ARL15: variants seen among roughly 807,000 people sequenced by gnomAD.
ARL15 encodes the protein ADP-ribosylation factor-like protein 15.
Under a neutral mutation model 25.2 loss-of-function variants are expected in ARL15, and 19 were observed. The observed-to-expected ratio is 0.75, with a 90% CI of 0.53 to 1.10. ARL15 has a LOEUF of 1.10. Among genes scored for constraint, ARL15 ranks in the 50% least tolerant of loss-of-function variants. The probability of loss-of-function intolerance (pLI) is 0.00; values close to 1 mark genes in which losing one functional copy is unlikely to be tolerated. For synonymous variants in ARL15, 94 were observed against 86.8 expected (o/e 1.08, Z -0.46); for missense variants, 220 against 246.0 (o/e 0.89, Z 0.71).
chr5:54,029,174 TA>T (rs1749882768), intron 4 of ARL15, among the ~76,000 whole-genome samples: 1 of 152,158 alleles, frequency 6.6e-6, no homozygotes, highest in African/African-American at 2.4e-5. Context: ...GCAACTTCCT[TA>T]AGGAATTTTC....
intron 1 of ARL15, among the ~76,000 whole-genome samples, chr5:54,205,029 G>A (rs918144042): frequency 3.3e-5 from 5 of 149,992 alleles, no homozygotes; most frequent in Non-Finnish European, 5.9e-5. Flanking sequence ...CCACCTCCTG[G>A]GTTCAAGCGA....
At chr5:53,999,957 G>A (rs1209252329) in intron 4 of ARL15, among the ~76,000 whole-genome samples, 1 of 152,088 alleles carries the variant, frequency 6.6e-6, no homozygotes, top group Non-Finnish European at 1.5e-5. Context: ...AGGAAGCAGA[G>A]AAGGGTGGGG....
intron 4 of ARL15, among the ~76,000 whole-genome samples, chr5:53,893,700 C>G (rs1368300911): frequency 2.0e-5 from 3 of 152,162 alleles, no homozygotes; most frequent in African/African-American, 7.2e-5. Context: ...AAGGGCCCTC[C>G]AGCTTTGCTG....
intron 4 of ARL15, among the ~76,000 whole-genome samples, chr5:54,056,602 C>G (rs527616092): frequency 6.7e-6 from 1 of 149,674 alleles, no homozygotes; most frequent in East Asian, 2.0e-4. Context: ...TGCACTCCAG[C>G]CTGGGTAACA....
intron 3 of ARL15, among the ~76,000 whole-genome samples, chr5:54,116,918 A>T (rs1277458772): frequency 1.3e-5 from 2 of 152,224 alleles, no homozygotes; most frequent in East Asian, 3.8e-4. Context: ...ATAAGCTAGG[A>T]GAAAAGAAAT....
At chr5:53,964,640 G>A (rs980234003) in intron 4 of ARL15, among the ~76,000 whole-genome samples, 2 of 152,180 alleles carry the variant, frequency 1.3e-5, no homozygotes, top group African/African-American at 2.4e-5. Context: ...GATTACAGGC[G>A]TGAGCCACCG....
intron 4 of ARL15, among the ~76,000 whole-genome samples, chr5:54,032,750 T>G (rs1002602450): frequency 1.3e-5 from 2 of 152,200 alleles, no homozygotes; most frequent in Non-Finnish European, 2.9e-5. Context: ...ATTTCAATCA[T>G]GCATAAAGCT....
chr5:54,138,148 G>T (rs1753661381), intron 3 of ARL15, among the ~76,000 whole-genome samples: 1 of 152,032 alleles, frequency 6.6e-6, no homozygotes. Flanking sequence ...TTATATTTAG[G>T]ATTTTCTTCC....
At chr5:54,060,990 C>G (rs1211941765) in intron 4 of ARL15, among the ~76,000 whole-genome samples, 2 of 152,188 alleles carry the variant, frequency 1.3e-5, no homozygotes, top group Non-Finnish European at 2.9e-5. Context: ...TTCAAGCCAG[C>G]TGCAGAAATT....
chr5:53,929,902 C>T lies in ARL15; in HGVS notation c.463-43189G>A, dbSNP rs1293697092. The stretch of plus-strand genomic sequence containing the variant: ...GCCGAGGAAGAGAGTTTAGTGTGGG[C>T]ACACTTGCTGCTAACCTGAAGTGCT... On this transcript the variant is annotated intron_variant, in intron 4 of 4. Transcript: ENST00000504924. 4.1e-4 allele frequency among the ~76,000 whole-genome samples: 63 copies of T among 152,032 alleles called. 2 individuals are homozygous for T.
intron 1 of ARL15, among the ~76,000 whole-genome samples, chr5:54,246,079 A>G (rs985294184): frequency 6.6e-6 from 1 of 152,022 alleles, no homozygotes; most frequent in African/African-American, 2.4e-5. Context: ...CCCTTAAATC[A>G]TAACAATATC....
chr5:54,082,768 C>A (rs759987622), intron 4 of ARL15, among the ~76,000 whole-genome samples: 4 of 151,988 alleles, frequency 2.6e-5, no homozygotes, highest in Admixed American at 6.6e-5. Context: ...CCTTCTCAAG[C>A]CTCATATTTA....
At chr5:53,958,084 C>T (rs1212167756) in intron 4 of ARL15, among the ~76,000 whole-genome samples, 1 of 151,806 alleles carries the variant, frequency 6.6e-6, no homozygotes, top group African/African-American at 2.4e-5. Context: ...GTGGTGGCTG[C>T]CTGTAATCCC....
chr5:54,274,361 T>C (rs1757869014), intron 1 of ARL15, among the ~76,000 whole-genome samples: 1 of 152,200 alleles, frequency 6.6e-6, no homozygotes, highest in African/African-American at 2.4e-5. Context: ...AAACAGATTT[T>C]ATCTTGTTCT....
intron 4 of ARL15, among the ~76,000 whole-genome samples, chr5:53,947,078 G>C (rs761107277): frequency 1.3e-5 from 2 of 151,962 alleles, no homozygotes; most frequent in Non-Finnish European, 2.9e-5. Flanking sequence ...ATCTTAGTTG[G>C]TGCTAACATG....
chr5:53,935,165 C>G (rs1481208118), intron 4 of ARL15, among the ~76,000 whole-genome samples: 5 of 152,276 alleles, frequency 3.3e-5, no homozygotes, highest in African/African-American at 1.2e-4. Flanking sequence ...GTAAAAAAAT[C>G]TATCAAATAA....
At chr5:54,297,884 G>A (rs1342361528) in intron 1 of ARL15, among the ~76,000 whole-genome samples, 3 of 152,082 alleles carry the variant, frequency 2.0e-5, no homozygotes, top group Admixed American at 1.3e-4. Context: ...CCAGGTTCAC[G>A]CCATCCTCCT....
chr5:54,262,844 A>C (rs1358955631), intron 1 of ARL15, among the ~76,000 whole-genome samples: 1 of 152,224 alleles, frequency 6.6e-6, no homozygotes, highest in East Asian at 1.9e-4. Flanking sequence ...AGGAAACCAG[A>C]TAATGAAATT....
At chr5:54,156,170 T>A (rs573709276) in intron 2 of ARL15, among the ~76,000 whole-genome samples, 13 of 152,228 alleles carry the variant, frequency 8.5e-5, no homozygotes, top group Non-Finnish European at 1.5e-4. Flanking sequence ...TTGCTGCATG[T>A]TATCCCAGTA....
Sources: allele counts gnomAD v4.1 joint callset (sites outside exome capture counted in the v4.1 genomes callset), GRCh38; gene constraint gnomAD v4.1.1; transcripts MANE v1.5; gene names NCBI Gene and HGNC (gene_info 2026-07-23, HGNC 2026-07-21).